GRK3: variants seen among roughly 807,000 people sequenced by gnomAD.
GRK3 encodes the protein G protein-coupled receptor kinase 3, also known as adrenergic, beta, receptor kinase 2.
A neutral mutation model predicts 95.7 loss-of-function variants in GRK3; 54 were observed. That is an observed-to-expected ratio of 0.56 (90% CI 0.45 to 0.71). The LOEUF is 0.71. GRK3 is among the 30% of genes least tolerant of loss of function. The probability of loss-of-function intolerance (pLI) is 0.00; values close to 1 mark genes in which losing one functional copy is unlikely to be tolerated. For synonymous variants in GRK3, 281 were observed against 290.8 expected (o/e 0.97, Z 0.34); for missense variants, 649 against 851.2 (o/e 0.76, Z 2.96).
At chr22:25,721,851 A>G (rs1028210927) in intron 20 of GRK3, among the ~76,000 whole-genome samples, 1 of 152,206 alleles carries the variant, frequency 6.6e-6, no homozygotes, top group Non-Finnish European at 1.5e-5. Context: ...GTGTGTTTTA[A>G]GAGAGCATAT....
At chr22:25,671,826 A>C (rs1360155538) in intron 6 of GRK3, among the ~76,000 whole-genome samples, 1 of 152,258 alleles carries the variant, frequency 6.6e-6, no homozygotes, top group African/African-American at 2.4e-5. Flanking sequence ...CAGTAGCCAG[A>C]TACAGCTATT....
intron 1 of GRK3, among the ~76,000 whole-genome samples, chr22:25,577,887 G>T (rs769585147): frequency 6.6e-6 from 1 of 152,124 alleles, no homozygotes; most frequent in South Asian, 2.1e-4. Flanking sequence ...TCTACTCTAC[G>T]TAGAGCTGCA....
chr22:25,591,647 T>G (rs1932495022), intron 1 of GRK3, among the ~76,000 whole-genome samples: 1 of 152,222 alleles, frequency 6.6e-6, no homozygotes, highest in Admixed American at 6.5e-5. Flanking sequence ...TTTGGAGCTC[T>G]GTGTCAGGAA....
At chr22:25,598,136 A>T (rs2084384787) in intron 1 of GRK3, among the ~76,000 whole-genome samples, 2 of 152,358 alleles carry the variant, frequency 1.3e-5, no homozygotes, top group South Asian at 2.1e-4. Flanking sequence ...TGTAGGAATA[A>T]AGCATATGAC....
rs2085488701 is a variant in GRK3 at position 25,728,111 on chromosome 22, A to T, written c.*5661A>T. The T allele has an allele frequency of 1.3e-5, 2 of 152,152 alleles. No homozygotes were observed. Among genetic ancestry groups the T allele is most frequent in the African/African-American group, 4.8e-5 (2 of 41,422 alleles). The allele number at this position is 152,152 out of a possible 1,614,324, so 9.4% of individuals were successfully genotyped here. On this transcript the variant is annotated 3_prime_UTR_variant, in exon 21 of 21. Coordinates refer to ENST00000324198, the MANE Select transcript of GRK3 (RefSeq NM_005160.4). Reference sequence around the variant, plus strand: ...CTCCTTTTTATTTGTATAGTTTGTTATTTAAAGAAATGGCAGTCCTTCCTG... The same window carrying T: ...CTCCTTTTTATTTGTATAGTTTGTTTTTTAAAGAAATGGCAGTCCTTCCTG...
intron 9 of GRK3, among the ~76,000 whole-genome samples, chr22:25,680,552 T>C (rs1174302720): frequency 6.6e-6 from 1 of 152,208 alleles, no homozygotes; most frequent in Non-Finnish European, 1.5e-5. Flanking sequence ...ATGTAATATT[T>C]TTATATTGAT....
chr22:25,622,523 C>G (rs149008122), intron 2 of GRK3, among the ~76,000 whole-genome samples: 122 of 152,236 alleles, frequency 8.0e-4, no homozygotes, highest in African/African-American at 2.9e-3. Context: ...TCAGAAACTG[C>G]CAGAAGGCCC....
At chr22:25,641,369 T>G (rs998801297) in intron 2 of GRK3, among the ~76,000 whole-genome samples, 1 of 152,164 alleles carries the variant, frequency 6.6e-6, no homozygotes, top group African/African-American at 2.4e-5. Context: ...GTACCTTTGC[T>G]CTTTCTTCTA....
chr22:25,687,849 A>G (rs1041390493), intron 11 of GRK3, among the ~76,000 whole-genome samples, 182 bp downstream of exon 11: 19 of 152,184 alleles, frequency 1.2e-4, no homozygotes, highest in African/African-American at 4.3e-4. Flanking sequence ...GACGGAGCGC[A>G]TGTCTGTCCC....
chr22:25,709,108 G>C (rs1400763850), intron 15 of GRK3, among the ~76,000 whole-genome samples: 2 of 151,698 alleles, frequency 1.3e-5, no homozygotes, highest in Admixed American at 1.3e-4. Context: ...CGCAATCTCG[G>C]TTCACTGCAA....
At chr22:25,697,186 A>G (rs994994988) in intron 13 of GRK3, among the ~76,000 whole-genome samples, 1 of 152,206 alleles carries the variant, frequency 6.6e-6, no homozygotes, top group Admixed American at 6.5e-5. Context: ...GGCTTTGTGT[A>G]CTTCTTTGTT....
At chr22:25,711,789 C>G (rs1434332476) in intron 17 of GRK3, among the ~76,000 whole-genome samples, 3 of 152,140 alleles carry the variant, frequency 2.0e-5, no homozygotes, top group South Asian at 2.1e-4. Context: ...CAGGCTCTAC[C>G]CCCTGCCCCC....
chr22:25,712,010 C>G (rs1012547955), intron 17 of GRK3, among the ~76,000 whole-genome samples: 2 of 152,242 alleles, frequency 1.3e-5, no homozygotes, highest in East Asian at 3.8e-4. Flanking sequence ...ACCAGCTAGA[C>G]TGTGGGACAG....
At chr22:25,578,012 A>G (rs1377719778) in intron 1 of GRK3, among the ~76,000 whole-genome samples, 1 of 152,232 alleles carries the variant, frequency 6.6e-6, no homozygotes, top group African/African-American at 2.4e-5. Flanking sequence ...AACAAAAAAG[A>G]ATAATGTCAT....
At chr22:25,632,581 G>C (rs1237290901) in intron 2 of GRK3, among the ~76,000 whole-genome samples, 1 of 152,122 alleles carries the variant, frequency 6.6e-6, no homozygotes, top group Non-Finnish European at 1.5e-5. Flanking sequence ...TTGGATCTTG[G>C]TGACCTTTGC....
intron 2 of GRK3, among the ~76,000 whole-genome samples, chr22:25,641,842 A>G (rs1448545700): frequency 6.6e-6 from 1 of 152,182 alleles, no homozygotes; most frequent in African/African-American, 2.4e-5. Flanking sequence ...GAGGCCAGAG[A>G]AGGAAATGGT....
chr22:25,715,424 T>A (rs574432452), intron 18 of GRK3, among the ~76,000 whole-genome samples: 13 of 152,044 alleles, frequency 8.6e-5, no homozygotes, highest in Admixed American at 8.5e-4. Context: ...GACAGGAAGA[T>A]CACTTGAGAC....
intron 6 of GRK3, among the ~76,000 whole-genome samples, chr22:25,670,881 CAAAAAA>C (rs71191074): frequency 1.4e-4 from 9 of 65,706 alleles, no homozygotes; most frequent in African/African-American, 5.0e-4. Context: ...ACTAAAAATA[CAAAAAA>C]AAAAAAAAAA....
intron 16 of GRK3, among the ~76,000 whole-genome samples, chr22:25,710,245 A>T (rs1014935789): frequency 2.0e-5 from 3 of 152,220 alleles, no homozygotes; most frequent in Non-Finnish European, 2.9e-5. Context: ...TAAAAGGTAA[A>T]ATGGAGCTAT....
Sources: gnomAD v4.1 joint callset for allele counts (sites outside exome capture counted in the v4.1 genomes callset) on GRCh38, gnomAD v4.1.1 for gene constraint, MANE v1.5 for transcripts, NCBI Gene and HGNC (gene_info 2026-07-23, HGNC 2026-07-21) for gene names.